The following STXBP5 variants were observed in gnomAD, a reference collection of about 807,000 sequenced individuals.
The protein encoded by STXBP5 is syntaxin-binding protein 5.
STXBP5 carries 50 observed loss-of-function variants against 152.4 expected under a neutral mutation model. The ratio of observed to expected loss-of-function variants is 0.33; its 90% CI spans 0.26 to 0.42. STXBP5 has a LOEUF of 0.42. Ranked by LOEUF, STXBP5 falls within the 10% of genes least tolerant of loss-of-function variation. STXBP5 has a pLI of 1.00. For synonymous variants in STXBP5, 492 were observed against 494.7 expected, an observed-to-expected ratio of 0.99 and a Z score of 0.07; for missense variants, 1,167 against 1,388.6, an observed-to-expected ratio of 0.84 and a Z score of 2.54.
Position 147,385,366 on chromosome 6 carries a change from A to G in STXBP5, c.*611A>G, listed in dbSNP as rs1473010136. The G allele has an allele frequency of 6.6e-6, 1 of 151,992 alleles. No individual in the cohort carries two copies. Among genetic ancestry groups the G allele is most frequent in the Non-Finnish European group, 1.5e-5 (1 of 67,984 alleles). 9.4% of individuals were successfully genotyped at this position (151,992 alleles called of 1,614,324 possible). ...CACATAGTTGACTTGTGTATGAGCT[A>G]CTCTTGGATTCTTGTTATTATAGAC... is the stretch of plus-strand genomic sequence containing the variant. On this transcript the variant is annotated 3_prime_UTR_variant, in exon 28 of 28. Coordinates refer to ENST00000321680, the MANE Select transcript of STXBP5 (RefSeq NM_001127715.4).
intron 19 of STXBP5, among the ~76,000 whole-genome samples, chr6:147,335,833 G>A (rs531989893): frequency 1.3e-4 from 20 of 152,122 alleles, no homozygotes; most frequent in South Asian, 1.0e-3. Flanking sequence ...GTAAATAAAG[G>A]TTAAAAACCC....
At chr6:147,227,908 C>G (rs73788835) in intron 2 of STXBP5, among the ~76,000 whole-genome samples, 3,392 of 152,174 alleles carry the variant, frequency 0.022, 110 homozygotes, top group African/African-American at 0.076. Flanking sequence ...TCCCCCACTT[C>G]CCTTATGCAT....
chr6:147,362,297 A>G (rs970285377), intron 23 of STXBP5, among the ~76,000 whole-genome samples: 6 of 152,216 alleles, frequency 3.9e-5, no homozygotes, highest in Non-Finnish European at 8.8e-5. Flanking sequence ...TGGAAAAAAT[A>G]CTGCAAGCTA....
chr6:147,278,604 A>G (rs1188285824), intron 8 of STXBP5, among the ~76,000 whole-genome samples: 1 of 152,134 alleles, frequency 6.6e-6, no homozygotes, highest in African/African-American at 2.4e-5. Flanking sequence ...ACCCTGTAGA[A>G]GGTAATTTTA....
chr6:147,238,984 C>T (rs115392860), intron 3 of STXBP5, among the ~76,000 whole-genome samples, 186 bp from the exon 4 acceptor site: 1,998 of 152,196 alleles, frequency 0.013, 44 homozygotes, highest in African/African-American at 0.044. Context: ...TATTTACATG[C>T]ATGTAATACA....
intron 9 of STXBP5, chr6:147,292,223 TC>T (rs1475087518): frequency 2.2e-6 from 1 of 452,440 alleles, no homozygotes; most frequent in East Asian, 7.0e-5. Flanking sequence ...TATAAAAATG[TC>T]GTTATCTTTT....
At chr6:147,307,350 T>C (rs1360478818) in intron 9 of STXBP5, among the ~76,000 whole-genome samples, 2 of 152,200 alleles carry the variant, frequency 1.3e-5, no homozygotes. Flanking sequence ...CTAGACCTTA[T>C]GACATCAAAA....
chr6:147,221,200 G>A (rs1377440544), intron 2 of STXBP5, among the ~76,000 whole-genome samples: 1 of 151,918 alleles, frequency 6.6e-6, no homozygotes, highest in Non-Finnish European at 1.5e-5. Flanking sequence ...TCTTTACTCT[G>A]ATCACTTATG....
chr6:147,379,498 A>G (rs1287733643), intron 26 of STXBP5, among the ~76,000 whole-genome samples: 2 of 152,174 alleles, frequency 1.3e-5, no homozygotes, highest in African/African-American at 4.8e-5. Context: ...CTCAAAACTG[A>G]TGTCTGTATG....
chr6:147,207,354 A>G (rs1354879621), intron 2 of STXBP5, among the ~76,000 whole-genome samples: 2 of 152,234 alleles, frequency 1.3e-5, no homozygotes, highest in Admixed American at 6.5e-5. Context: ...TACTATACAT[A>G]GTAAATACTA....
At chr6:147,289,177 T>A (rs1781149690) in intron 8 of STXBP5, among the ~76,000 whole-genome samples, 1 of 152,228 alleles carries the variant, frequency 6.6e-6, no homozygotes, top group South Asian at 2.1e-4. Flanking sequence ...TCACTTTTAG[T>A]GAGGCAGTGT....
intron 2 of STXBP5, among the ~76,000 whole-genome samples, chr6:147,210,212 G>A (rs1776776478): frequency 1.3e-5 from 2 of 152,120 alleles, no homozygotes; most frequent in African/African-American, 4.8e-5. Flanking sequence ...AGATGATAAG[G>A]TTTTGCAAGT....
At chr6:147,302,156 A>G (rs1781852916) in intron 9 of STXBP5, among the ~76,000 whole-genome samples, 1 of 152,152 alleles carries the variant, frequency 6.6e-6, no homozygotes, top group Non-Finnish European at 1.5e-5. Flanking sequence ...TTAAACTGAT[A>G]TTACATATAT....
intron 10 of STXBP5, among the ~76,000 whole-genome samples, chr6:147,311,021 T>A (rs2128370735): frequency 6.6e-6 from 1 of 152,234 alleles, no homozygotes; most frequent in Non-Finnish European, 1.5e-5. Context: ...CTTTTTTCAC[T>A]TCAGTTGAAA....
At position 147,310,529 on chromosome 6, in the gene STXBP5, GTGATTGAT is replaced by G. The variant is rs5880703; in HGVS notation, c.1072+321_1072+328del. On this transcript the variant is annotated intron_variant, in intron 10 of 27. Coordinates refer to ENST00000321680, the MANE Select transcript of STXBP5 (RefSeq NM_001127715.4). Reference sequence around the variant, plus strand: ...GACGCACACACTCATAGGAGAGAAAGTGATTGATTGATTGATTGATTGATTGATTGATT... The same window carrying G: ...GACGCACACACTCATAGGAGAGAAAGTGATTGATTGATTGATTGATTGATT... Among the ~76,000 whole-genome samples, 1,304 of 150,214 alleles carry G rather than the reference GTGATTGAT, an allele frequency of 8.7e-3. 13 individuals are homozygous for G. Among genetic ancestry groups the G allele is most frequent in the African/African-American group, 0.026 (1,077 of 40,834 alleles).
chr6:147,381,328 T>C (rs1219498860), intron 26 of STXBP5, among the ~76,000 whole-genome samples: 1 of 152,140 alleles, frequency 6.6e-6, no homozygotes, highest in Non-Finnish European at 1.5e-5. Flanking sequence ...AAATCCACAA[T>C]GTGATACCAC....
intron 21 of STXBP5, among the ~76,000 whole-genome samples, chr6:147,349,746 C>T (rs1416749933): frequency 6.6e-6 from 1 of 152,068 alleles, no homozygotes; most frequent in Non-Finnish European, 1.5e-5. Context: ...ATATCCCTGC[C>T]CTCTGGCACA....
In STXBP5 at chr6:147,387,065, T is replaced by G. The variant is rs1424418742; in HGVS notation, c.*2310T>G. ...ATCAGTGTTTTGAGTTATTTAATTT[T>G]TAAATTAATCTACAAATTATGCACA... On this transcript the variant is annotated 3_prime_UTR_variant, in exon 28 of 28. Coordinates refer to ENST00000321680, the MANE Select transcript of STXBP5 (RefSeq NM_001127715.4). 6.6e-6 allele frequency: 1 copy of G among 151,724 alleles called. No individual in the cohort carries two copies. The highest frequency in any genetic ancestry group is 2.4e-5 in the African/African-American group (1 of 41,402). 9.4% of individuals were successfully genotyped at this position (151,724 alleles called of 1,614,324 possible).
chr6:147,214,953 T>C (rs1177607510), intron 2 of STXBP5, among the ~76,000 whole-genome samples: 1 of 152,140 alleles, frequency 6.6e-6, no homozygotes, highest in African/African-American at 2.4e-5. Flanking sequence ...GTAAGGATCA[T>C]AGGGTGGATG....
Sources: allele counts gnomAD v4.1 joint callset (sites outside exome capture counted in the v4.1 genomes callset), GRCh38; gene constraint gnomAD v4.1.1; transcripts MANE v1.5; gene names NCBI Gene and HGNC (gene_info 2026-07-23, HGNC 2026-07-21).